The following ROBO1 variants were observed in gnomAD, a reference collection of about 807,000 sequenced individuals.
ROBO1 encodes roundabout guidance receptor 1.
In ROBO1, 149 loss-of-function variants were observed where a neutral mutation model predicts 195.9. That is an observed-to-expected ratio of 0.76 (90% CI 0.67 to 0.87). The LOEUF is 0.87. Among genes scored for constraint, ROBO1 ranks in the 40% least tolerant of loss-of-function variants. The pLI is 0.00. For synonymous variants in ROBO1, 816 were observed against 733.2 expected (o/e 1.11, Z -1.82); for missense variants, 1,933 against 2,068.3 (o/e 0.93, Z 1.27).
intron 2 of ROBO1, among the ~76,000 whole-genome samples, chr3:79,587,235 A>G (rs1018536125): frequency 2.0e-5 from 3 of 151,990 alleles, no homozygotes; most frequent in Admixed American, 2.0e-4. Context: ...AATGAAAAAA[A>G]AAATTGAGCT....
chr3:78,898,394 T>A (rs988210851), intron 4 of ROBO1, among the ~76,000 whole-genome samples: 1 of 139,090 alleles, frequency 7.2e-6, no homozygotes, highest in Non-Finnish European at 1.6e-5. Flanking sequence ...TTTTTTTTTT[T>A]TTTTTTTTTT....
At chr3:79,523,369 C>T (rs1447742525) in intron 2 of ROBO1, among the ~76,000 whole-genome samples, 1 of 150,630 alleles carries the variant, frequency 6.6e-6, no homozygotes, top group Non-Finnish European at 1.5e-5. Context: ...GATAAATATA[C>T]ACAATTTTAT....
At chr3:78,890,976 A>G (rs1413083619) in intron 4 of ROBO1, among the ~76,000 whole-genome samples, 1 of 152,144 alleles carries the variant, frequency 6.6e-6, no homozygotes. Context: ...GCTGGCCTCA[A>G]GCAAGTCCTC....
chr3:78,888,979 A>C (rs775304314), intron 4 of ROBO1, among the ~76,000 whole-genome samples: 5 of 152,212 alleles, frequency 3.3e-5, no homozygotes, highest in Non-Finnish European at 7.3e-5. Flanking sequence ...AAAAAGTACA[A>C]TACTACAGTT....
At chr3:79,072,969 G>GGA (rs2079113671) in intron 3 of ROBO1, among the ~76,000 whole-genome samples, 1 of 151,900 alleles carries the variant, frequency 6.6e-6, no homozygotes, top group East Asian at 1.9e-4. Context: ...TAAATTCTAT[G>GGA]GAGAGATGAG....
At chr3:79,438,276 C>A (rs11917078) in intron 2 of ROBO1, among the ~76,000 whole-genome samples, 53,065 of 151,348 alleles carry the variant, frequency 0.35, 10,185 homozygotes, top group Admixed American at 0.49. Flanking sequence ...AAGTCTTGAT[C>A]TTGCAGGACT....
At chr3:78,836,512 C>CAAAAAAAAAA (rs370559968) in intron 4 of ROBO1, among the ~76,000 whole-genome samples, 2 of 122,346 alleles carry the variant, frequency 1.6e-5, no homozygotes, top group South Asian at 2.7e-4. Context: ...ACTCTGTCTC[C>CAAAAAAAAAA]AAAAAAAAAA....
intron 1 of ROBO1, among the ~76,000 whole-genome samples, chr3:79,639,528 C>A (rs1308722085): frequency 1.3e-5 from 2 of 152,084 alleles, no homozygotes; most frequent in South Asian, 4.1e-4. Context: ...TTTTCTCTAT[C>A]TTTAATTTGC....
intron 3 of ROBO1, among the ~76,000 whole-genome samples, chr3:79,091,967 G>A (rs2079486961): frequency 6.6e-6 from 1 of 152,120 alleles, no homozygotes; most frequent in African/African-American, 2.4e-5. Flanking sequence ...TCTGGGCAAA[G>A]TGATGTAATC....
At chr3:79,280,833 T>G (rs1481919371) in intron 2 of ROBO1, among the ~76,000 whole-genome samples, 1 of 152,148 alleles carries the variant, frequency 6.6e-6, no homozygotes, top group Non-Finnish European at 1.5e-5. Context: ...ACAATAGGGT[T>G]TGAGCTCCTA....
intron 1 of ROBO1, among the ~76,000 whole-genome samples, chr3:79,614,144 A>G (rs1263098965): frequency 6.6e-6 from 1 of 152,076 alleles, no homozygotes; most frequent in African/African-American, 2.4e-5. Flanking sequence ...CTACCAACCA[A>G]TTTGACCTAA....
At chr3:79,415,406 G>A (rs1001814567) in intron 2 of ROBO1, among the ~76,000 whole-genome samples, 1 of 152,070 alleles carries the variant, frequency 6.6e-6, no homozygotes, top group Admixed American at 6.6e-5. Context: ...AAGGTTCTTT[G>A]AGAAAGTGAT....
At chr3:78,675,781 C>T (rs1180995092) in intron 10 of ROBO1, among the ~76,000 whole-genome samples, 1 of 152,166 alleles carries the variant, frequency 6.6e-6, no homozygotes, top group Non-Finnish European at 1.5e-5. Context: ...GTAACCTCTG[C>T]AGACTTAAAT....
chr3:79,254,948 A>G (rs2108921305), intron 2 of ROBO1, among the ~76,000 whole-genome samples: 1 of 152,300 alleles, frequency 6.6e-6, no homozygotes, highest in South Asian at 2.1e-4. Context: ...TACATGAGCA[A>G]ATGATCATCA....
intron 4 of ROBO1, among the ~76,000 whole-genome samples, chr3:78,868,979 T>C (rs943972002): frequency 3.9e-5 from 6 of 152,196 alleles, no homozygotes; most frequent in Non-Finnish European, 7.4e-5. Flanking sequence ...GTTAAACATA[T>C]TGATCAATAA....
intron 2 of ROBO1, among the ~76,000 whole-genome samples, chr3:79,450,674 A>G (rs1019149917): frequency 6.6e-6 from 1 of 152,038 alleles, no homozygotes; most frequent in African/African-American, 2.4e-5. Context: ...TCCTTTCTAT[A>G]GTGGCATTTT....
intron 4 of ROBO1, among the ~76,000 whole-genome samples, chr3:78,816,089 T>TA (rs2084894344): frequency 6.6e-6 from 1 of 152,148 alleles, no homozygotes; most frequent in Admixed American, 6.6e-5. Context: ...GTGCCTGGCT[T>TA]AAAAGCTTCA....
chr3:79,229,263 A>G (rs1045403924), intron 2 of ROBO1, among the ~76,000 whole-genome samples: 3 of 152,134 alleles, frequency 2.0e-5, no homozygotes, highest in African/African-American at 7.2e-5. Context: ...TCCGTAAAGA[A>G]CAATTCTAGG....
At chr3:79,141,384 C>T (rs73109179) in intron 2 of ROBO1, among the ~76,000 whole-genome samples, 2,165 of 152,202 alleles carry the variant, frequency 0.014, 27 homozygotes, top group South Asian at 0.025. Flanking sequence ...CGGTTTTGCA[C>T]TCTTCATTCT....
Sources: gnomAD v4.1 joint callset for allele counts (sites outside exome capture counted in the v4.1 genomes callset) on GRCh38, gnomAD v4.1.1 for gene constraint, MANE v1.5 for transcripts, NCBI Gene and HGNC (gene_info 2026-07-23, HGNC 2026-07-21) for gene names.